KCNQ1: variants seen among roughly 807,000 people sequenced by gnomAD.
The protein encoded by KCNQ1 is potassium voltage-gated channel subfamily Q member 1.
KCNQ1 carries 49 observed loss-of-function variants against 72.4 expected under a neutral mutation model. That is an observed-to-expected ratio of 0.68 (90% CI 0.54 to 0.86). The LOEUF (loss-of-function observed/expected upper bound fraction) is 0.86, where lower values mean the gene tolerates loss of function less well. Ranked by LOEUF, KCNQ1 falls within the 40% of genes least tolerant of loss-of-function variation. The probability of loss-of-function intolerance (pLI) is 0.00; values close to 1 mark genes in which losing one functional copy is unlikely to be tolerated. For missense variants in KCNQ1, 790 were observed against 945.1 expected (o/e 0.84, Z 2.15); for synonymous variants, 450 against 412.6 (o/e 1.09, Z -1.10).
Position 2,797,307 on chromosome 11 carries a change from A to G in KCNQ1, c.1794+19270A>G, listed in dbSNP as rs569541773. Among the ~76,000 whole-genome samples, 680 of 152,280 alleles carry G rather than the reference A, an allele frequency of 4.5e-3. 6 individuals carry two copies. Among genetic ancestry groups the G allele is most frequent in the African/African-American group, 0.015 (627 of 41,570 alleles). ...GGAACGGGCCCCAACCTGCCTGCAG[A>G]CCAAGCGGTCACATCGCGAATGAGT... On this transcript the variant is annotated intron_variant, in intron 15 of 15. Transcript: ENST00000155840.
chr11:2,581,390 C>T (rs1454682705), intron 6 of KCNQ1, among the ~76,000 whole-genome samples: 1 of 152,232 alleles, frequency 6.6e-6, no homozygotes, highest in Non-Finnish European at 1.5e-5. Context: ...TGCAACTCCC[C>T]ACCCCAGTGC....
chr11:2,658,049 T>A lies in KCNQ1; in HGVS notation c.1394-3912T>A, dbSNP rs1849883007. The A allele has an allele frequency of 2.5e-6, 1 of 398,520 alleles. No homozygotes were observed. The highest frequency in any genetic ancestry group is 4.4e-6 in the Non-Finnish European group (1 of 226,032). 24.7% of individuals were successfully genotyped at this position (398,520 alleles called of 1,614,324 possible). A position where few individuals can be genotyped will look rare whatever the true frequency, so the allele number is the denominator to read the frequency against. On this transcript the variant is annotated intron_variant, in intron 10 of 15. Transcript: ENST00000155840. The surrounding 1 kb of genome is among the most constrained non-coding windows in gnomAD (Gnocchi z 4.9). ...TAGTCTTTAGAAGCGAGTCACTAAGTATAGCCCACACTCAAGGTGGGGAAG... is the reference window on the plus strand; with the variant it reads ...TAGTCTTTAGAAGCGAGTCACTAAGAATAGCCCACACTCAAGGTGGGGAAG...
intron 10 of KCNQ1, among the ~76,000 whole-genome samples, chr11:2,591,930 T>C (rs1848675857): frequency 6.6e-6 from 1 of 152,244 alleles, no homozygotes; most frequent in Non-Finnish European, 1.5e-5. Context: ...TGGAGAGCCC[T>C]GGCTTGGGGA....
At position 2,550,448 on chromosome 11, in the gene KCNQ1, G is replaced by A. The variant is rs951033993; in HGVS notation, c.478-20180G>A. Among the ~76,000 whole-genome samples the A allele has an allele frequency of 9.8e-5, 15 of 152,316 alleles. No homozygotes were observed. Among genetic ancestry groups the A allele is most frequent in the Admixed American group, 8.5e-4 (13 of 15,308 alleles). On this transcript the variant is annotated intron_variant, in intron 2 of 15. Transcript: ENST00000155840. This position sits in a 1 kb window ranked among gnomAD's most constrained non-coding sequence, Gnocchi z 6.0. ...GCGTCGCAGTGGCCCAGACACCCAT[G>A]TTCCTCCCTAGGCAGCTCCATGCGC...
chr11:2,721,140 C>T (rs1851195483), intron 11 of KCNQ1, among the ~76,000 whole-genome samples: 1 of 152,138 alleles, frequency 6.6e-6, no homozygotes, highest in Non-Finnish European at 1.5e-5. Context: ...ATTCTGGACG[C>T]CGGGGGGACA....
At chr11:2,578,481 C>T (rs1848453458) in intron 6 of KCNQ1, among the ~76,000 whole-genome samples, 1 of 152,244 alleles carries the variant, frequency 6.6e-6, no homozygotes, top group Non-Finnish European at 1.5e-5. Context: ...GCTCAGCCTA[C>T]TGGGGGCACT....
In KCNQ1 at chr11:2,817,459, C is replaced by T. The variant is rs1384334673; in HGVS notation, c.1795-30308C>T. ...AAGCTGACCCCAGTCGTGGCAGCCA[C>T]CCCAGCAGTCAGGGAAGGACCTGCT... is the stretch of plus-strand genomic sequence containing the variant. On this transcript the variant is annotated intron_variant, in intron 15 of 15. Coordinates refer to ENST00000155840, the MANE Select transcript of KCNQ1 (RefSeq NM_000218.3). The surrounding 1 kb of genome is among the most constrained non-coding windows in gnomAD (Gnocchi z 6.1). Among the ~76,000 whole-genome samples the T allele has an allele frequency of 6.6e-6, 1 of 152,138 alleles. No homozygotes were observed. The highest frequency in any genetic ancestry group is 2.4e-5 in the African/African-American group (1 of 41,426).
chr11:2,701,396 G>A (rs1022952197), intron 11 of KCNQ1, among the ~76,000 whole-genome samples: 1 of 152,066 alleles, frequency 6.6e-6, no homozygotes, highest in Non-Finnish European at 1.5e-5. Flanking sequence ...CTGTCCCTTC[G>A]CACTGGCCCA....
chr11:2,730,702 T>C (rs1434481557), intron 11 of KCNQ1, among the ~76,000 whole-genome samples: 1 of 152,140 alleles, frequency 6.6e-6, no homozygotes, highest in Non-Finnish European at 1.5e-5. Context: ...CCCATTACCC[T>C]GGGGGAGGCG....
At chr11:2,534,521 C>T (rs1330466433) in intron 2 of KCNQ1, among the ~76,000 whole-genome samples, 1 of 152,222 alleles carries the variant, frequency 6.6e-6, no homozygotes, top group Admixed American at 6.5e-5. Flanking sequence ...CCTGCCTCGC[C>T]CTGCCTGGTG....
chr11:2,744,285 A>G (rs1564879163), intron 11 of KCNQ1, among the ~76,000 whole-genome samples: 1 of 152,230 alleles, frequency 6.6e-6, no homozygotes, highest in Non-Finnish European at 1.5e-5. Flanking sequence ...GGGAACACCA[A>G]TGCGGCACTC....
intron 1 of KCNQ1, among the ~76,000 whole-genome samples, chr11:2,470,709 G>A (rs1401179078): frequency 3.6e-5 from 5 of 137,784 alleles, no homozygotes; most frequent in Non-Finnish European, 7.7e-5. Flanking sequence ...TTAGGTGGGG[G>A]GGGGGGTGCT....
rs1438006129 is a variant in KCNQ1, at chr11:2,671,601, C to A, written c.1514+9520C>A. 7.5e-6 allele frequency: 3 copies of A among 398,664 alleles called. No homozygotes were observed. In the East Asian group the frequency reaches 1.1e-4, roughly 14 times the overall value. The allele number at this position is 398,664 out of a possible 1,614,324, so 24.7% of individuals were successfully genotyped here. On this transcript the variant is annotated intron_variant, in intron 11 of 15. Coordinates refer to ENST00000155840, the MANE Select transcript of KCNQ1 (RefSeq NM_000218.3). The surrounding 1 kb of genome is among the most constrained non-coding windows in gnomAD (Gnocchi z 4.7). ...ATTTATACAAGATCAGACTGCACTG[C>A]ACCCTAAGTATAAACCTTGCCACAG... is the stretch of plus-strand genomic sequence containing the variant.
intron 11 of KCNQ1, chr11:2,667,947 A>G: frequency 2.5e-6 from 1 of 398,706 alleles, no homozygotes; most frequent in Non-Finnish European, 4.4e-6. Context: ...AGGAAGCAAC[A>G]GAACCCCCAG....
Position 2,478,201 on chromosome 11 carries a change from G to C in KCNQ1, c.386+32717G>C, listed in dbSNP as rs901385071. ...ACCCACATGGAGGGAGACACACACAGTGGCCTGAATACTTTGAAAATGCCA... is the reference window on the plus strand; with the variant it reads ...ACCCACATGGAGGGAGACACACACACTGGCCTGAATACTTTGAAAATGCCA... On this transcript the variant is annotated intron_variant, in intron 1 of 15. Coordinates refer to ENST00000155840, the MANE Select transcript of KCNQ1 (RefSeq NM_000218.3). This position sits in a 1 kb window ranked among gnomAD's most constrained non-coding sequence, Gnocchi z 4.0. Among the ~76,000 whole-genome samples the C allele has an allele frequency of 4.6e-5, 7 of 152,198 alleles. No homozygotes were observed. Among genetic ancestry groups the C allele is most frequent in the Non-Finnish European group, 1.0e-4 (7 of 68,042 alleles).
chr11:2,474,694 G>C (rs1195702140), intron 1 of KCNQ1, among the ~76,000 whole-genome samples: 1 of 40,338 alleles, frequency 2.5e-5, no homozygotes, highest in Non-Finnish European at 9.8e-5. Flanking sequence ...GAGAGCTTGG[G>C]CCCCTGCTCC....
chr11:2,727,221 A>G (rs904968805), intron 11 of KCNQ1, among the ~76,000 whole-genome samples: 4 of 152,334 alleles, frequency 2.6e-5, no homozygotes, highest in African/African-American at 9.6e-5. Context: ...TGTTAGGGAC[A>G]AGGAGGCAGC....
chr11:2,724,663 C>A lies in KCNQ1; in HGVS notation c.1515-44181C>A, dbSNP rs928789493. ...CCTTGCCCTTCCCTCTCACTTCGCT[C>A]CCCAGGAGGCGACACTGTGATTGTC... On this transcript the variant is annotated intron_variant, in intron 11 of 15. Transcript: ENST00000155840. This position sits in a 1 kb window ranked among gnomAD's most constrained non-coding sequence, Gnocchi z 6.8. Among the ~76,000 whole-genome samples the A allele has an allele frequency of 1.3e-5, 2 of 152,196 alleles. No individual in the cohort carries two copies. Among genetic ancestry groups the A allele is most frequent in the African/African-American group, 4.8e-5 (2 of 41,448 alleles).
rs1419358292 is a variant in KCNQ1, at chr11:2,585,252, A to C, written c.1073A>C (p.Lys358Thr). 3 of 1,613,990 alleles carry C rather than the reference A, an allele frequency of 1.9e-6. No individual in the cohort carries two copies. The highest frequency in any genetic ancestry group is 2.7e-5 in the African/African-American group (2 of 74,958). ...GGGTTTGCCCTGAAGGTGCAGCAGA[A>C]GCAGAGGCAGAAGCACTTCAACCGG... ...GSGFALKVQQ[K>T]QRQKHFNRQI... Residue 358 changes from lysine to threonine, a missense_variant, in exon 8 of 16, where the codon AAG becomes ACG. Transcript: ENST00000155840.
Sources: allele counts gnomAD v4.1 joint callset (sites outside exome capture counted in the v4.1 genomes callset), GRCh38; gene constraint gnomAD v4.1.1; non-coding constraint Gnocchi (gnomAD v3.1); transcripts MANE v1.5; gene names NCBI Gene and HGNC (gene_info 2026-07-23, HGNC 2026-07-21).